TRDN: variants seen among roughly 807,000 people sequenced by gnomAD.
The protein encoded by TRDN is triadin.
A neutral mutation model predicts 149.7 loss-of-function variants in TRDN; 161 were observed. The observed-to-expected ratio is 1.08, with a 90% CI of 0.95 to 1.23. TRDN has a LOEUF of 1.23. Ranked by LOEUF, TRDN falls within the 50% of genes most tolerant of loss-of-function variation. The pLI is 0.00. For missense variants in TRDN, 896 were observed against 823.5 expected (o/e 1.09, Z -1.08); for synonymous variants, 294 against 250.5 (o/e 1.17, Z -1.64).
At chr6:123,298,424 C>G (rs986088003) in intron 24 of TRDN, among the ~76,000 whole-genome samples, 1 of 151,990 alleles carries the variant, frequency 6.6e-6, no homozygotes, top group African/African-American at 2.4e-5. Flanking sequence ...TCTCTGGAAG[C>G]CTTTCCTGAC....
At chr6:123,280,747 T>C (rs1777554273) in intron 24 of TRDN, among the ~76,000 whole-genome samples, 1 of 151,434 alleles carries the variant, frequency 6.6e-6, no homozygotes, top group South Asian at 2.1e-4. Flanking sequence ...TGCTTACTCC[T>C]TTTATGTGCT....
At chr6:123,289,984 C>G (rs1303672589) in intron 24 of TRDN, among the ~76,000 whole-genome samples, 2 of 152,172 alleles carry the variant, frequency 1.3e-5, no homozygotes, top group Non-Finnish European at 2.9e-5. Context: ...AAGATGCAAG[C>G]TGTCTTGCTC....
chr6:123,370,407 G>T (rs990143087), intron 19 of TRDN, among the ~76,000 whole-genome samples: 3 of 151,992 alleles, frequency 2.0e-5, no homozygotes, highest in African/African-American at 7.2e-5. Context: ...TAACTATGTT[G>T]ATATGAGTAG....
intron 26 of TRDN, among the ~76,000 whole-genome samples, chr6:123,275,952 G>C (rs996407156): frequency 2.6e-5 from 4 of 152,110 alleles, no homozygotes; most frequent in African/African-American, 9.7e-5. Context: ...GTATTAGCAG[G>C]TTTGGTCTCT....
At chr6:123,632,830 T>A (rs999533252) in intron 1 of TRDN, among the ~76,000 whole-genome samples, 2 of 152,022 alleles carry the variant, frequency 1.3e-5, no homozygotes, top group African/African-American at 4.8e-5. Context: ...GCCTAGTTGT[T>A]AAGTAGTCTG....
At chr6:123,464,307 AATT>A (rs2114706681) in intron 10 of TRDN, 1 of 984,790 alleles carries the variant, frequency 1.0e-6, no homozygotes, top group African/African-American at 1.7e-5. Context: ...TATTTTCAAG[AATT>A]ATTAGTAGTA....
chr6:123,224,396 C>T (rs1425650573), intron 38 of TRDN, among the ~76,000 whole-genome samples: 1 of 151,726 alleles, frequency 6.6e-6, no homozygotes, highest in Non-Finnish European at 1.5e-5. Flanking sequence ...TGACCTCCAA[C>T]ACCCACCCCC....
chr6:123,438,948 C>G lies in TRDN; in HGVS notation c.987G>C (p.Lys329Asn). Residue 329 changes from lysine (K) to asparagine (N), a missense_variant, in exon 11 of 41, where the codon AAG becomes AAC. Transcript: ENST00000334268. The part of the protein sequence containing the change: ...AEKKVTSETK[K>N]KEKEDIKKKS... Reference sequence around the variant, plus strand: ...CATGGCTTTTAAATTTCCTACCTTTCTTTTTTGTTTCAGAAGTAACTTTCT... The same window carrying G: ...CATGGCTTTTAAATTTCCTACCTTTGTTTTTTGTTTCAGAAGTAACTTTCT... 1.3e-6 allele frequency: 2 copies of G among 1,558,712 alleles called. No individual in the cohort carries two copies. The highest frequency in any genetic ancestry group is 1.2e-5 in the South Asian group (1 of 84,144).
chr6:123,365,044 T>A (rs1207081269), intron 20 of TRDN, among the ~76,000 whole-genome samples: 1 of 152,194 alleles, frequency 6.6e-6, no homozygotes, highest in Non-Finnish European at 1.5e-5. Context: ...ATGAAAGATG[T>A]ATCATGATCA....
At chr6:123,481,301 C>T (rs2114770064) in intron 9 of TRDN, among the ~76,000 whole-genome samples, 1 of 151,318 alleles carries the variant, frequency 6.6e-6, no homozygotes, top group South Asian at 2.1e-4. Context: ...CAATTATCTG[C>T]TTTGTCAATT....
At chr6:123,631,416 C>T (rs376701813) in intron 1 of TRDN, among the ~76,000 whole-genome samples, 2 of 152,128 alleles carry the variant, frequency 1.3e-5, no homozygotes, top group South Asian at 4.1e-4. Context: ...ATTAATGTCT[C>T]TAATTAATGT....
At chr6:123,586,482 G>A (rs1161011505) in intron 1 of TRDN, among the ~76,000 whole-genome samples, 1 of 152,068 alleles carries the variant, frequency 6.6e-6, no homozygotes, top group African/African-American at 2.4e-5. Flanking sequence ...AGACTATAGA[G>A]GGACTGATGT....
chr6:123,527,251 T>C (rs1271125611), intron 5 of TRDN, among the ~76,000 whole-genome samples: 1 of 152,082 alleles, frequency 6.6e-6, no homozygotes, highest in Non-Finnish European at 1.5e-5. Context: ...TCTTTAATAA[T>C]CATGACTTGG....
At chr6:123,438,001 G>T (rs78267972) in intron 12 of TRDN, 62 bp downstream of exon 12, 3 of 1,384,648 alleles carry the variant, frequency 2.2e-6, no homozygotes, top group Middle Eastern at 1.8e-4. Context: ...TGCATGAGGA[G>T]TCTTTCATGA....
At chr6:123,300,836 T>A (rs1778370644) in intron 24 of TRDN, among the ~76,000 whole-genome samples, 3 of 152,034 alleles carry the variant, frequency 2.0e-5, no homozygotes, top group Non-Finnish European at 4.4e-5. Flanking sequence ...ATTTAGTTTG[T>A]GTCCAGAACC....
chr6:123,553,701 C>T (rs1408516127), intron 2 of TRDN, among the ~76,000 whole-genome samples: 1 of 152,072 alleles, frequency 6.6e-6, no homozygotes, highest in Non-Finnish European at 1.5e-5. Flanking sequence ...TGGTGGCCAG[C>T]AAAAGAAAAT....
chr6:123,340,902 T>C (rs571453793), intron 21 of TRDN, among the ~76,000 whole-genome samples: 2 of 152,070 alleles, frequency 1.3e-5, no homozygotes, highest in African/African-American at 2.4e-5. Flanking sequence ...CCTAATATGA[T>C]ACTGCACTGT....
chr6:123,565,320 C>T (rs1298242283), intron 2 of TRDN, among the ~76,000 whole-genome samples: 7 of 152,124 alleles, frequency 4.6e-5, no homozygotes, highest in Admixed American at 3.3e-4. Context: ...TCCTCCCATC[C>T]CCCACTTAGG....
At chr6:123,308,363 C>T (rs1282989067) in intron 24 of TRDN, among the ~76,000 whole-genome samples, 1 of 147,266 alleles carries the variant, frequency 6.8e-6, no homozygotes, top group Middle Eastern at 3.5e-3. Context: ...TGGTAGAAAG[C>T]TTTTGCATAA....
Sources: allele counts gnomAD v4.1 joint callset (sites outside exome capture counted in the v4.1 genomes callset), GRCh38; gene constraint gnomAD v4.1.1; transcripts MANE v1.5; gene names NCBI Gene and HGNC (gene_info 2026-07-23, HGNC 2026-07-21).